Variants in S100A7 observed in about 807,000 individuals in gnomAD.
The protein encoded by S100A7 is S100 calcium binding protein A7, also known as protein S100-A7.
In S100A7, 2 loss-of-function variants were observed where a neutral mutation model predicts 3.8. That is an observed-to-expected ratio of 0.53 (90% CI 0.22 to 1.67). The LOEUF is 1.67. Ranked by LOEUF, S100A7 falls within the 40% of genes most tolerant of loss-of-function variation. The probability of loss-of-function intolerance (pLI) is 0.20; values close to 1 mark genes in which losing one functional copy is unlikely to be tolerated. For synonymous variants in S100A7, 55 were observed against 45.9 expected, an observed-to-expected ratio of 1.20 and a Z score of -0.80; for missense variants, 130 against 126.3, an observed-to-expected ratio of 1.03 and a Z score of -0.14.
chr1:153,458,745 C>T, intron 2 of S100A7, 128 bp downstream of exon 2: 4 of 1,117,710 alleles, frequency 3.6e-6, no homozygotes, highest in Non-Finnish European at 5.1e-6. Context: ...CTTAGATTCA[C>T]ATATGATCCA....
At position 153,457,837 on chromosome 1, in the gene S100A7, C is replaced by T. The variant is rs1663725095; in HGVS notation, c.275G>A (p.Gly92Glu). 6.2e-7 allele frequency: 1 copy of T among 1,614,162 alleles called. No homozygotes were observed. The highest frequency in any genetic ancestry group is 8.5e-7 in the Non-Finnish European group (1 of 1,180,046). The change falls in exon 3 of 3, where the codon GGA becomes GAA. Residue 92 changes from glycine to glutamate, a missense_variant. Gly to Glu is a moderately conservative substitution (Grantham distance 98). Coordinates refer to ENST00000368723, the MANE Select transcript of S100A7 (RefSeq NM_002963.4). ...GCTGCCCCCGGAACAGGGCGCTGCT[C>T]CATGGCTCTGCTTGTGGTAGTCTGT... ...IATDYHKQSHGAAPCSGGSQ is the reference protein window; with the variant it reads ...IATDYHKQSHEAAPCSGGSQ
chr1:153,460,288 A>C (rs978062418), intron 1 of S100A7, among the ~76,000 whole-genome samples: 1 of 152,204 alleles, frequency 6.6e-6, no homozygotes, highest in Non-Finnish European at 1.5e-5. Flanking sequence ...GGATTTAGCA[A>C]CCGGGACCCC....
chr1:153,457,747 G>A lies in S100A7; in HGVS notation c.*59C>T. 2 of 1,567,840 alleles carry A rather than the reference G, an allele frequency of 1.3e-6. No individual in the cohort carries two copies. The highest frequency in any genetic ancestry group is 1.2e-5 in the South Asian group (1 of 86,200). On this transcript the variant is annotated 3_prime_UTR_variant, in exon 3 of 3. Transcript: ENST00000368723. ...GAAGAAGAAAATAAGGCAAGTGTCT[G>A]GTGGGAGAAGACATTTTATTGTTCC... is the stretch of plus-strand genomic sequence containing the variant.
Position 153,457,757 on chromosome 1 carries a change from G to A in S100A7, c.*49C>T. 1 of 1,577,762 alleles carries A rather than the reference G, an allele frequency of 6.3e-7. No individual in the cohort carries two copies. Among genetic ancestry groups the A allele is most frequent in the South Asian group, 1.2e-5 (1 of 86,860 alleles). On this transcript the variant is annotated 3_prime_UTR_variant, in exon 3 of 3. Coordinates refer to ENST00000368723, the MANE Select transcript of S100A7 (RefSeq NM_002963.4). ...ATAAGGCAAGTGTCTGGTGGGAGAA[G>A]ACATTTTATTGTTCCTGGGGTCTCT...
intron 1 of S100A7, among the ~76,000 whole-genome samples, chr1:153,459,506 G>A (rs978355454): frequency 9.2e-5 from 14 of 152,170 alleles, no homozygotes; most frequent in Non-Finnish European, 1.9e-4. Flanking sequence ...ACCAGACACC[G>A]TGGGCCCCAC....
chr1:153,460,605 T>C lies in S100A7; in HGVS notation c.-18+3A>G. ...AAAACGCAAAGAGGCAGGTGAGACT[T>C]ACCAGAGCTGGGAAGCGTCACGAGT... On this transcript the variant is annotated splice_donor_region_variant and intron_variant, in intron 1 of 2. Transcript: ENST00000368723. The C allele has an allele frequency of 8.8e-7, 1 of 1,142,262 alleles. No individual in the cohort carries two copies. The highest frequency in any genetic ancestry group is 1.3e-6 in the Non-Finnish European group (1 of 777,628). The allele number at this position is 1,142,262 out of a possible 1,614,324, so 70.8% of individuals were successfully genotyped here. A position where few individuals can be genotyped will look rare whatever the true frequency, so the allele number is the denominator to read the frequency against.
At position 153,458,874 on chromosome 1, in the gene S100A7, C is replaced by A. The variant is rs779873535; in HGVS notation, c.140G>T (p.Cys47Phe). The part of the protein sequence containing the change: ...KENFPNFLSA[C>F]DKKGTNYLAD... ...TTGAGAAGCTAGACACCGACTCACA[C>A]AGGCACTAAGGAAGTTGGGGAAGTT... is the stretch of plus-strand genomic sequence containing the variant. The change falls in exon 2 of 3, where the codon TGT becomes TTT. Residue 47 changes from cysteine to phenylalanine, a missense_variant and splice_region_variant. Coordinates refer to ENST00000368723, the MANE Select transcript of S100A7 (RefSeq NM_002963.4). 16 of 1,613,874 alleles carry A rather than the reference C, an allele frequency of 9.9e-6. No homozygotes were observed. The Admixed American group carries it at 2.3e-4, about 24-fold the overall frequency.
rs1460586611 is a variant in S100A7 at position 153,457,821 on chromosome 1, G to A, written c.291C>T (p.Ser97=). ...TGGGGCTGGGTCACTGGCTGCCCCC[G>A]GAACAGGGCGCTGCTCCATGGCTCT... ...HKQSHGAAPC[S]GGSQ Residue 97 remains serine (S), a synonymous_variant, in exon 3 of 3, where the codon TCC becomes TCT. Transcript: ENST00000368723. The A allele has an allele frequency of 1.7e-5, 28 of 1,614,072 alleles. No individual in the cohort carries two copies. The highest frequency in any genetic ancestry group is 3.3e-5 in the Admixed American group (2 of 60,018).
At position 153,459,004 on chromosome 1, in the gene S100A7, T is replaced by C. The variant is rs200788492; in HGVS notation, c.10A>G (p.Thr4Ala). The C allele has an allele frequency of 2.5e-6, 4 of 1,612,892 alleles. No individual in the cohort carries two copies. Among genetic ancestry groups the C allele is most frequent in the East Asian group, 2.2e-5 (1 of 44,872 alleles). Residue 4 changes from threonine to alanine, a missense_variant, in exon 2 of 3, where the codon ACT becomes GCT. Physicochemically the swap from Thr to Ala is moderately conservative, Grantham distance 58. Coordinates refer to ENST00000368723, the MANE Select transcript of S100A7 (RefSeq NM_002963.4). MSN[T>A]QAERSIIGMI... ...CCTATTATGGACCTCTCAGCTTGAG[T>C]GTTGCTCATCTTTGCTTTCAAAAAG...
chr1:153,458,003 T>C, intron 2 of S100A7, 33 bp from the exon 3 acceptor site: 3 of 1,608,584 alleles, frequency 1.9e-6, no homozygotes, highest in Non-Finnish European at 1.7e-6. Context: ...AATAGAAAAA[T>C]TCAATCACAA....
Position 153,457,958 on chromosome 1 carries a change from T to C in S100A7, c.154A>G (p.Thr52Ala). 6.2e-7 allele frequency: 1 copy of C among 1,614,148 alleles called. No individual in the cohort carries two copies. The highest frequency in any genetic ancestry group is 8.5e-7 in the Non-Finnish European group (1 of 1,180,010). ...NFLSACDKKG[T>A]NYLADVFEKK... is the part of the protein sequence containing the mutation. ...TCAAAGACATCGGCGAGGTAATTTGTGCCCTTTTTGTCCTGTGAAGAGAAA... is the reference window on the plus strand; with the variant it reads ...TCAAAGACATCGGCGAGGTAATTTGCGCCCTTTTTGTCCTGTGAAGAGAAA... The change falls in exon 3 of 3, where the codon ACA (threonine) becomes GCA (alanine). Residue 52 changes from threonine (T) to alanine (A), a missense_variant. Coordinates refer to ENST00000368723, the MANE Select transcript of S100A7 (RefSeq NM_002963.4).
At chr1:153,459,052 A>AT (rs35723591) in intron 1 of S100A7, 22 bp from the exon 2 acceptor site, 5 of 1,605,286 alleles carry the variant, frequency 3.1e-6, no homozygotes, top group South Asian at 2.2e-5. Flanking sequence ...AAAGACAATC[A>AT]TTTTTTTCCC....
chr1:153,459,408 C>T (rs542591008), intron 1 of S100A7, among the ~76,000 whole-genome samples: 1 of 152,224 alleles, frequency 6.6e-6, no homozygotes, highest in South Asian at 2.1e-4. Flanking sequence ...AATCCATCTC[C>T]TCCAGCTTCA....
At chr1:153,460,306 G>A (rs1260243959) in intron 1 of S100A7, among the ~76,000 whole-genome samples, 1 of 152,236 alleles carries the variant, frequency 6.6e-6, no homozygotes, top group African/African-American at 2.4e-5. Flanking sequence ...CCCAACAGGA[G>A]GATGAATCCA....
Position 153,460,597 on chromosome 1 carries a change from G to C in S100A7, c.-18+11C>G. On this transcript the variant is annotated intron_variant, in intron 1 of 2. Transcript: ENST00000368723. ...ACTTCTAGAAAACGCAAAGAGGCAG[G>C]TGAGACTTACCAGAGCTGGGAAGCG... 9.3e-7 allele frequency: 1 copy of C among 1,073,388 alleles called. No individual in the cohort carries two copies. Among genetic ancestry groups the C allele is most frequent in the Non-Finnish European group, 1.4e-6 (1 of 714,442 alleles). 66.5% of individuals were successfully genotyped at this position (1,073,388 alleles called of 1,614,324 possible).
chr1:153,457,813 C>A lies in S100A7; in HGVS notation c.299G>T (p.Ser100Ile). The stretch of plus-strand genomic sequence containing the variant: ...CCCATTGGTGGGGCTGGGTCACTGG[C>A]TGCCCCCGGAACAGGGCGCTGCTCC... ...SHGAAPCSGG[S>I]Q is the part of the protein sequence containing the mutation. Residue 100 changes from serine (S) to isoleucine (I), a missense_variant, in exon 3 of 3, where the codon AGC becomes ATC. By Grantham distance (142) the Ser-to-Ile change is moderately radical. Transcript: ENST00000368723. The A allele has an allele frequency of 2.5e-6, 4 of 1,614,040 alleles. No homozygotes were observed. Among genetic ancestry groups the A allele is most frequent in the Non-Finnish European group, 3.4e-6 (4 of 1,179,942 alleles).
rs72708760 is a variant in S100A7, at chr1:153,458,959, T to G, written c.55A>C (p.Lys19Gln). 4.5e-3 allele frequency: 7,183 copies of G among 1,614,090 alleles called. 22 individuals are homozygous for G. The highest frequency in any genetic ancestry group is 0.018 in the Middle Eastern group (110 of 6,056). ...SIIGMIDMFH[K>Q]YTRRDDKIEK... Reference sequence around the variant, plus strand: ...ATCTTGTCATCACGTCTGGTGTATTTGTGAAACATGTCGATCATGCCTATT... The same window carrying G: ...ATCTTGTCATCACGTCTGGTGTATTGGTGAAACATGTCGATCATGCCTATT... Residue 19 changes from lysine (K) to glutamine (Q), a missense_variant, in exon 2 of 3, where the codon AAA (lysine) becomes CAA (glutamine). Physicochemically the swap from Lys to Gln is moderately conservative, Grantham distance 53. Transcript: ENST00000368723.
At chr1:153,459,873 C>T (rs1663786438) in intron 1 of S100A7, 1 of 152,232 alleles carries the variant, frequency 6.6e-6, no homozygotes, top group African/African-American at 2.4e-5. Context: ...GCACCCCAAG[C>T]CTGAAAAATA....
chr1:153,459,176 T>A, intron 1 of S100A7, 146 bp from the exon 2 acceptor site: 5 of 979,126 alleles, frequency 5.1e-6, no homozygotes, highest in Non-Finnish European at 7.4e-6. Flanking sequence ...TGTGATGGGA[T>A]AAGTTGCTCA....
Sources: gnomAD v4.1 joint callset for allele counts (sites outside exome capture counted in the v4.1 genomes callset) on GRCh38, gnomAD v4.1.1 for gene constraint, MANE v1.5 for transcripts, NCBI Gene and HGNC (gene_info 2026-07-23, HGNC 2026-07-21) for gene names.